CCBE1: variants seen among roughly 807,000 people sequenced by gnomAD.
The protein encoded by CCBE1 is collagen and calcium-binding EGF domain-containing protein 1.
A neutral mutation model predicts 50.0 loss-of-function variants in CCBE1; 37 were observed. The ratio of observed to expected loss-of-function variants is 0.74; its 90% CI spans 0.57 to 0.97. The LOEUF (loss-of-function observed/expected upper bound fraction) is 0.97, where lower values mean the gene tolerates loss of function less well. CCBE1 is among the 50% of genes least tolerant of loss of function. CCBE1 has a pLI of 0.00. For missense variants in CCBE1, 538 were observed against 523.8 expected, an observed-to-expected ratio of 1.03 and a Z score of -0.26; for synonymous variants, 234 against 203.7, an observed-to-expected ratio of 1.15 and a Z score of -1.27.
intron 2 of CCBE1, among the ~76,000 whole-genome samples, chr18:59,515,072 A>G (rs1169265362): frequency 1.3e-5 from 2 of 152,250 alleles, no homozygotes; most frequent in African/African-American, 4.8e-5. Context: ...GTAAAGTAAT[A>G]CATAAAACAC....
At chr18:59,547,032 A>AGAAAGAGAGG (rs1364979455) in intron 2 of CCBE1, among the ~76,000 whole-genome samples, 1 of 85,030 alleles carries the variant, frequency 1.2e-5, no homozygotes, top group Non-Finnish European at 2.1e-5. Flanking sequence ...AATGGGAGAG[A>AGAAAGAGAGG]GAAAGAGAGG....
At chr18:59,593,493 C>A (rs1198649214) in intron 2 of CCBE1, among the ~76,000 whole-genome samples, 3 of 152,244 alleles carry the variant, frequency 2.0e-5, no homozygotes, top group Non-Finnish European at 4.4e-5. Context: ...TCTCTATCAG[C>A]TGTTTTAGAT....
chr18:59,532,986 G>A (rs1915109703), intron 2 of CCBE1, among the ~76,000 whole-genome samples: 2 of 152,188 alleles, frequency 1.3e-5, no homozygotes, highest in South Asian at 4.1e-4. Flanking sequence ...AGTATGGAGA[G>A]TGAGGAACCA....
At chr18:59,485,384 G>A (rs1371574721) in intron 2 of CCBE1, among the ~76,000 whole-genome samples, 1 of 152,134 alleles carries the variant, frequency 6.6e-6, no homozygotes, top group East Asian at 1.9e-4. Flanking sequence ...TCATCAGACT[G>A]TCTGCTGATC....
At chr18:59,556,195 C>T (rs2052654591) in intron 2 of CCBE1, among the ~76,000 whole-genome samples, 1 of 152,168 alleles carries the variant, frequency 6.6e-6, no homozygotes, top group African/African-American at 2.4e-5. Context: ...TCATGGGCTG[C>T]TTTGGGAAAT....
At chr18:59,448,188 C>A (rs965512517) in intron 6 of CCBE1, 85 bp from the exon 7 acceptor site, 2 of 1,579,312 alleles carry the variant, frequency 1.3e-6, no homozygotes, top group Admixed American at 1.7e-5. Context: ...AGCTGCAAAG[C>A]CTTTTCATGA....
At chr18:59,535,524 C>G (rs562612089) in intron 2 of CCBE1, among the ~76,000 whole-genome samples, 8 of 152,252 alleles carry the variant, frequency 5.3e-5, no homozygotes, top group African/African-American at 1.9e-4. Context: ...CACACTACCC[C>G]TGGCAGCTCC....
chr18:59,575,069 C>T (rs1434232162), intron 2 of CCBE1, among the ~76,000 whole-genome samples: 1 of 152,148 alleles, frequency 6.6e-6, no homozygotes, highest in Non-Finnish European at 1.5e-5. Flanking sequence ...TTCTCCTGCA[C>T]ACCAAGGAAC....
chr18:59,664,139 C>T (rs564389379), intron 2 of CCBE1, among the ~76,000 whole-genome samples: 305 of 152,188 alleles, frequency 2.0e-3, no homozygotes, highest in African/African-American at 6.8e-3. Flanking sequence ...GCTGAGTTCT[C>T]GTTATATCTT....
chr18:59,595,079 T>C (rs970061752), intron 2 of CCBE1, among the ~76,000 whole-genome samples: 1 of 137,194 alleles, frequency 7.3e-6, no homozygotes, highest in East Asian at 2.1e-4. Flanking sequence ...GCCACTAAAC[T>C]CCATCCAGCC....
intron 5 of CCBE1, 175 bp from the exon 6 acceptor site, chr18:59,455,126 G>A (rs1245467617): frequency 5.8e-6 from 4 of 691,324 alleles, no homozygotes; most frequent in Non-Finnish European, 8.0e-6. Flanking sequence ...CCCAGGGTCA[G>A]GGAAGAGGGG....
chr18:59,438,298 A>G (rs917514245), intron 9 of CCBE1, 152 bp from the exon 10 acceptor site: 2 of 743,600 alleles, frequency 2.7e-6, no homozygotes, highest in Non-Finnish European at 2.4e-6. Flanking sequence ...GACTCACGGG[A>G]CCACTTATTT....
intron 2 of CCBE1, among the ~76,000 whole-genome samples, chr18:59,495,417 C>A (rs35166160): frequency 7.4e-6 from 1 of 135,944 alleles, no homozygotes; most frequent in Non-Finnish European, 1.5e-5. Flanking sequence ...TTTTCCAGAG[C>A]GGGAAACAGA....
intron 2 of CCBE1, among the ~76,000 whole-genome samples, chr18:59,649,159 A>C (rs1222043971): frequency 6.6e-6 from 1 of 152,234 alleles, no homozygotes. Flanking sequence ...GTTACCAGAC[A>C]TGAGAAACTT....
At chr18:59,577,480 A>G (rs2053015882) in intron 2 of CCBE1, among the ~76,000 whole-genome samples, 1 of 152,250 alleles carries the variant, frequency 6.6e-6, no homozygotes, top group South Asian at 2.1e-4. Context: ...GCTGAATCAT[A>G]AAGTCTACCC....
At chr18:59,521,049 C>G (rs1914577403) in intron 2 of CCBE1, among the ~76,000 whole-genome samples, 1 of 152,170 alleles carries the variant, frequency 6.6e-6, no homozygotes, top group Non-Finnish European at 1.5e-5. Context: ...TCCATCTGTC[C>G]TCATCCCTCA....
At chr18:59,566,992 A>G (rs939946312) in intron 2 of CCBE1, among the ~76,000 whole-genome samples, 1 of 152,230 alleles carries the variant, frequency 6.6e-6, no homozygotes, top group Non-Finnish European at 1.5e-5. Context: ...AGGACCACAA[A>G]TCATTCTGCA....
rs185912999 is a variant in CCBE1, at chr18:59,481,064, A to T, written c.213-826T>A. 9.8e-4 allele frequency among the ~76,000 whole-genome samples: 150 copies of T among 152,378 alleles called. 1 individual carries two copies. The highest frequency in any genetic ancestry group is 3.4e-3 in the African/African-American group (142 of 41,592). On this transcript the variant is annotated intron_variant, in intron 2 of 10. Coordinates refer to ENST00000439986, the MANE Select transcript of CCBE1 (RefSeq NM_133459.4). The stretch of plus-strand genomic sequence containing the variant: ...GGAATTATCAGACTTTAAAGTAGCT[A>T]TTTAACTATGTTCAACTACATAAAG...
chr18:59,621,221 CCACA>C (rs1004779659), intron 2 of CCBE1, among the ~76,000 whole-genome samples: 2 of 152,188 alleles, frequency 1.3e-5, no homozygotes, highest in African/African-American at 4.8e-5. Flanking sequence ...AGCAAACTCC[CCACA>C]CACTCACACC....
Sources: allele counts gnomAD v4.1 joint callset (sites outside exome capture counted in the v4.1 genomes callset), GRCh38; gene constraint gnomAD v4.1.1; transcripts MANE v1.5; gene names NCBI Gene and HGNC (gene_info 2026-07-23, HGNC 2026-07-21).